Variants in KIRREL3 observed in about 807,000 individuals in gnomAD.
The protein encoded by KIRREL3 is kirre like nephrin family adhesion molecule 3.
Under a neutral mutation model 89.7 loss-of-function variants are expected in KIRREL3, and 36 were observed. The observed-to-expected ratio is 0.40, with a 90% confidence interval of 0.31 to 0.53. The LOEUF (loss-of-function observed/expected upper bound fraction) is 0.53. Among genes scored for constraint, KIRREL3 ranks in the 20% least tolerant of loss-of-function variants. The probability of loss-of-function intolerance (pLI) is 0.49; values close to 1 mark genes in which losing one functional copy is unlikely to be tolerated. For synonymous variants in KIRREL3, 445 were observed against 441.4 expected, an observed-to-expected ratio of 1.01 and a Z score of -0.10; for missense variants, 864 against 1,056.6, an observed-to-expected ratio of 0.82 and a Z score of 2.53.
At chr11:126,539,958 G>A (rs927098947) in intron 2 of KIRREL3, among the ~76,000 whole-genome samples, 1 of 152,198 alleles carries the variant, frequency 6.6e-6, no homozygotes, top group Admixed American at 6.5e-5. Flanking sequence ...GGGAGTGTTG[G>A]GAGTAGCTGC....
chr11:126,803,106 C>T (rs1266946227), intron 1 of KIRREL3, among the ~76,000 whole-genome samples: 1 of 152,188 alleles, frequency 6.6e-6, no homozygotes, highest in Admixed American at 6.5e-5. Context: ...AGGGGGCACA[C>T]CTGGCTCTCT....
intron 1 of KIRREL3, among the ~76,000 whole-genome samples, chr11:126,616,580 A>G (rs996698398): frequency 6.6e-6 from 1 of 152,202 alleles, no homozygotes; most frequent in Admixed American, 6.5e-5. Flanking sequence ...CTGATAATGA[A>G]CACACAGAGT....
rs948355316 is a variant in KIRREL3, at chr11:126,485,246, T to C, written c.434-11780A>G. Among the ~76,000 whole-genome samples, 5 of 152,158 alleles carry C rather than the reference T, an allele frequency of 3.3e-5. No individual in the cohort carries two copies. The highest frequency in any genetic ancestry group is 2.6e-4 in the Admixed American group (4 of 15,276). On this transcript the variant is annotated intron_variant, in intron 4 of 16. Coordinates refer to ENST00000525144, the MANE Select transcript of KIRREL3 (RefSeq NM_032531.4). This position sits in a 1 kb window ranked among gnomAD's most constrained non-coding sequence, Gnocchi z 5.8. Reference sequence around the variant, plus strand: ...GGAGCAAGACGCAGGTTTAGGATGATGGCATGTAGCTCAGAGGAAGGTGTG... The same window carrying C: ...GGAGCAAGACGCAGGTTTAGGATGACGGCATGTAGCTCAGAGGAAGGTGTG...
rs1173265817 is a variant in KIRREL3 at position 126,609,918 on chromosome 11, G to A, written c.56-47006C>T. On this transcript the variant is annotated intron_variant, in intron 1 of 16. Transcript: ENST00000525144. This position sits in a 1 kb window ranked among gnomAD's most constrained non-coding sequence, Gnocchi z 5.0. ...ATAGGCACCGAGATAAGAATTTTAT[G>A]TGGATGACTTCAACGAATCCTCAGA... is the stretch of plus-strand genomic sequence containing the variant. 6.6e-6 allele frequency among the ~76,000 whole-genome samples: 1 copy of A among 152,218 alleles called. No individual in the cohort carries two copies. The highest frequency in any genetic ancestry group is 1.5e-5 in the Non-Finnish European group (1 of 68,044).
intron 9 of KIRREL3, among the ~76,000 whole-genome samples, chr11:126,446,522 T>C (rs1955820091): frequency 6.6e-6 from 1 of 152,170 alleles, no homozygotes; most frequent in Non-Finnish European, 1.5e-5. Flanking sequence ...CCACCTACTT[T>C]TCTTGTAAGG....
chr11:126,789,684 G>A (rs571854538), intron 1 of KIRREL3, among the ~76,000 whole-genome samples: 1 of 152,286 alleles, frequency 6.6e-6, no homozygotes, highest in East Asian at 1.9e-4. Flanking sequence ...TTCCACCACA[G>A]TGGCCTAGTC....
Position 126,571,412 on chromosome 11 carries a change from C to T in KIRREL3, c.56-8500G>A, listed in dbSNP as rs1940924351. 6.6e-6 allele frequency among the ~76,000 whole-genome samples: 1 copy of T among 152,310 alleles called. No individual in the cohort carries two copies. Among genetic ancestry groups the T allele is most frequent in the African/African-American group, 2.4e-5 (1 of 41,560 alleles). On this transcript the variant is annotated intron_variant, in intron 1 of 16. Coordinates refer to ENST00000525144, the MANE Select transcript of KIRREL3 (RefSeq NM_032531.4). This position sits in a 1 kb window ranked among gnomAD's most constrained non-coding sequence, Gnocchi z 7.7. Reference sequence around the variant, plus strand: ...GGACACTGGTTACTATCTTTGGGGGCTGGGTGCAGCCCAGCCTTGCCCCTC... The same window carrying T: ...GGACACTGGTTACTATCTTTGGGGGTTGGGTGCAGCCCAGCCTTGCCCCTC...
At chr11:126,545,640 T>TAAAATAAAATAAAATAAAATA (rs367868978) in intron 2 of KIRREL3, among the ~76,000 whole-genome samples, 257 of 119,676 alleles carry the variant, frequency 2.1e-3, no homozygotes, top group African/African-American at 8.2e-3. Context: ...TAAAATAAAA[T>TAAAATAAAATAAAATAAAATA]AAATAAAATA....
rs1361175356 is a variant in KIRREL3 at position 126,668,568 on chromosome 11, C to G, written c.56-105656G>C. On this transcript the variant is annotated intron_variant, in intron 1 of 16. Coordinates refer to ENST00000525144, the MANE Select transcript of KIRREL3 (RefSeq NM_032531.4). The surrounding 1 kb of genome is among the most constrained non-coding windows in gnomAD (Gnocchi z 4.4). Reference sequence around the variant, plus strand: ...GCACCCGGAATGATGGCCTTTCTTCCTGTTCTTCCTCGTTAGTTTCTTCCC... The same window carrying G: ...GCACCCGGAATGATGGCCTTTCTTCGTGTTCTTCCTCGTTAGTTTCTTCCC... Among the ~76,000 whole-genome samples the G allele has an allele frequency of 6.6e-6, 1 of 152,044 alleles. No individual in the cohort carries two copies. Among genetic ancestry groups the G allele is most frequent in the African/African-American group, 2.4e-5 (1 of 41,408 alleles).
At chr11:126,960,418 A>G (rs1949049940) in intron 1 of KIRREL3, among the ~76,000 whole-genome samples, 1 of 152,174 alleles carries the variant, frequency 6.6e-6, no homozygotes, top group South Asian at 2.1e-4. Flanking sequence ...GCCCTAGGTT[A>G]TATTTAAAGT....
In KIRREL3 at chr11:126,969,287, CAG is replaced by C. The variant is rs1209469363; in HGVS notation, c.55+31166_55+31167del. On this transcript the variant is annotated intron_variant, in intron 1 of 16. Transcript: ENST00000525144. This position sits in a 1 kb window ranked among gnomAD's most constrained non-coding sequence, Gnocchi z 4.9. Reference sequence around the variant, plus strand: ...TGGACACAGGGAATGAAGGGATAGACAGATGTCCTATCTTTGGGAATGCTGGC... The same window carrying C: ...TGGACACAGGGAATGAAGGGATAGACATGTCCTATCTTTGGGAATGCTGGC... Among the ~76,000 whole-genome samples the C allele has an allele frequency of 6.6e-6, 1 of 152,174 alleles. No homozygotes were observed. The highest frequency in any genetic ancestry group is 1.9e-4 in the East Asian group (1 of 5,182).
intron 1 of KIRREL3, among the ~76,000 whole-genome samples, chr11:126,663,660 G>A (rs926361270): frequency 6.6e-6 from 1 of 152,142 alleles, no homozygotes; most frequent in Admixed American, 6.5e-5. Context: ...CAGGGAAGTG[G>A]CACATGACAT....
chr11:126,447,968 C>T (rs753852742), intron 8 of KIRREL3, among the ~76,000 whole-genome samples: 2 of 152,116 alleles, frequency 1.3e-5, no homozygotes, highest in South Asian at 4.1e-4. Context: ...TGCCTTGCTG[C>T]GGGTCCCTGC....
At chr11:126,518,657 G>A (rs948395930) in intron 4 of KIRREL3, among the ~76,000 whole-genome samples, 2 of 152,246 alleles carry the variant, frequency 1.3e-5, no homozygotes, top group Non-Finnish European at 2.9e-5. Context: ...ATGGGGTCTT[G>A]GTAGGGAAGG....
In KIRREL3 at chr11:126,610,578, A is replaced by T. The variant is rs1053224548; in HGVS notation, c.56-47666T>A. The T allele has an allele frequency of 2.0e-5, 3 of 152,218 alleles. No homozygotes were observed. The highest frequency in any genetic ancestry group is 2.1e-4 in the South Asian group (1 of 4,828). The allele number at this position is 152,218 out of a possible 1,614,324, so 9.4% of individuals were successfully genotyped here. Reference sequence around the variant, plus strand: ...GGTCTGTGGGCGTAGAGCACTCAACAAATGCCAGGCACTGGGGCTATAATC... The same window carrying T: ...GGTCTGTGGGCGTAGAGCACTCAACTAATGCCAGGCACTGGGGCTATAATC... On this transcript the variant is annotated intron_variant, in intron 1 of 16. Transcript: ENST00000525144. This position sits in a 1 kb window ranked among gnomAD's most constrained non-coding sequence, Gnocchi z 4.6.
rs1464832354 is a variant in KIRREL3 at position 126,456,430 on chromosome 11, A to G, written c.767T>C (p.Val256Ala). The G allele has an allele frequency of 1.0e-5, 16 of 1,586,542 alleles. No homozygotes were observed. The highest frequency in any genetic ancestry group is 1.0e-5 in the Non-Finnish European group (12 of 1,166,654). ...IQHPPLVNLS[V>A]EPQPVLEDNV... ...GTCCTCCAGCACTGGCTGTGGCTCC[A>G]CCGAGAGGTTGACCAGTGGAGGGTC... The change falls in exon 7 of 17, where the codon GTG becomes GCG. Residue 256 changes from valine (V) to alanine (A), a missense_variant. Transcript: ENST00000525144.
rs6144553 is a variant in KIRREL3 at position 126,821,329 on chromosome 11, GTATATATA to G, written c.55+179118_55+179125del. Among the ~76,000 whole-genome samples the G allele has an allele frequency of 3.9e-5, 4 of 103,490 alleles. No homozygotes were observed. In the South Asian group the frequency reaches 1.0e-3, roughly 27 times the overall value. 67.9% of individuals were successfully genotyped at this position (103,490 alleles called of 152,430 possible). A position where few individuals can be genotyped will look rare whatever the true frequency, so the allele number is the denominator to read the frequency against. On this transcript the variant is annotated intron_variant, in intron 1 of 16. Coordinates refer to ENST00000525144, the MANE Select transcript of KIRREL3 (RefSeq NM_032531.4). ...TTTCATGGGTCAACGGATAAACACA[GTATATATA>G]TATATATATATATATGTAACTTCCA...
chr11:126,424,773 G>A lies in KIRREL3; in HGVS notation c.2144C>T (p.Ser715Phe). ...CAGGAAGGAGCTGCTGTCGCTGAGG[G>A]AGCCTCTCTGGAACTCCCGCTCACA... ...ELCEREFQRG[S>F]LSDSSSFLDT... The change falls in exon 17 of 17, where the codon TCC becomes TTC. Residue 715 changes from serine (S) to phenylalanine (F), a missense_variant. Coordinates refer to ENST00000525144, the MANE Select transcript of KIRREL3 (RefSeq NM_032531.4). 6.2e-7 allele frequency: 1 copy of A among 1,614,052 alleles called. No individual in the cohort carries two copies. The highest frequency in any genetic ancestry group is 8.5e-7 in the Non-Finnish European group (1 of 1,179,904).
At chr11:126,827,358 A>C (rs1178509484) in intron 1 of KIRREL3, among the ~76,000 whole-genome samples, 1 of 151,960 alleles carries the variant, frequency 6.6e-6, no homozygotes, top group East Asian at 1.9e-4. Flanking sequence ...TTGCATTTTT[A>C]GTAGAGATGG....
Sources: allele counts gnomAD v4.1 joint callset (sites outside exome capture counted in the v4.1 genomes callset), GRCh38; gene constraint gnomAD v4.1.1; non-coding constraint Gnocchi (gnomAD v3.1); transcripts MANE v1.5; gene names NCBI Gene and HGNC (gene_info 2026-07-23, HGNC 2026-07-21).